Variants in DTWD2 observed in about 807,000 individuals in gnomAD.
DTWD2 encodes tRNA-uridine aminocarboxypropyltransferase 2.
A neutral mutation model predicts 31.8 loss-of-function variants in DTWD2; 39 were observed. The observed-to-expected ratio is 1.22, with a 90% CI of 0.95 to 1.60. The LOEUF is 1.60. DTWD2 is among the 40% of genes most tolerant of loss of function. The pLI is 0.00. For missense variants in DTWD2, 515 were observed against 381.5 expected, an observed-to-expected ratio of 1.35 and a Z score of -2.92; for synonymous variants, 180 against 142.8, an observed-to-expected ratio of 1.26 and a Z score of -1.86.
chr5:118,880,060 T>C (rs1178400116), intron 4 of DTWD2, among the ~76,000 whole-genome samples: 1 of 152,222 alleles, frequency 6.6e-6, no homozygotes, highest in Non-Finnish European at 1.5e-5. Context: ...CACAGAAAGA[T>C]AACTACAAAT....
chr5:118,862,441 C>T (rs985618647), intron 4 of DTWD2, among the ~76,000 whole-genome samples: 2 of 151,708 alleles, frequency 1.3e-5, no homozygotes, highest in South Asian at 2.1e-4. Flanking sequence ...GAAATAGGGC[C>T]GATGTAAATG....
At chr5:118,903,620 C>T (rs1210571546) in intron 4 of DTWD2, among the ~76,000 whole-genome samples, 1 of 151,952 alleles carries the variant, frequency 6.6e-6, no homozygotes, top group Non-Finnish European at 1.5e-5. Context: ...AAATCTCTAG[C>T]TAACATGTTA....
At chr5:118,911,068 T>A (rs952702186) in intron 4 of DTWD2, among the ~76,000 whole-genome samples, 3 of 152,176 alleles carry the variant, frequency 2.0e-5, no homozygotes, top group Non-Finnish European at 4.4e-5. Context: ...CAGCACCATA[T>A]ATCTGATCAT....
intron 3 of DTWD2, among the ~76,000 whole-genome samples, chr5:118,937,899 G>C (rs1209594966): frequency 6.6e-6 from 1 of 152,056 alleles, no homozygotes; most frequent in Non-Finnish European, 1.5e-5. Context: ...TGTCTCTCCT[G>C]ACACAGCCAT....
chr5:118,978,862 T>C (rs1755225663), intron 1 of DTWD2, among the ~76,000 whole-genome samples: 1 of 150,956 alleles, frequency 6.6e-6, no homozygotes, highest in Non-Finnish European at 1.5e-5. Flanking sequence ...AAAAATTAGC[T>C]GGGCATGGTG....
At chr5:118,888,147 T>C (rs1170325281) in intron 4 of DTWD2, among the ~76,000 whole-genome samples, 1 of 152,206 alleles carries the variant, frequency 6.6e-6, no homozygotes, top group African/African-American at 2.4e-5. Flanking sequence ...TTTGATAAGA[T>C]TTGACATATG....
intron 1 of DTWD2, chr5:118,973,719 G>A (rs368917682): frequency 4.1e-5 from 64 of 1,564,242 alleles, no homozygotes; most frequent in Admixed American, 1.5e-4. Flanking sequence ...CGCGGACTCC[G>A]GCAGCTTTAT....
At chr5:118,988,064 G>T in intron 1 of DTWD2, 1 of 714,880 alleles carries the variant, frequency 1.4e-6, no homozygotes. Context: ...CTCATCCCAT[G>T]ATACGCTCAG....
chr5:118,838,438 T>C lies in DTWD2; in HGVS notation c.*2479A>G, dbSNP rs770352031. 1.3e-5 allele frequency: 2 copies of C among 152,134 alleles called. No individual in the cohort carries two copies. Among genetic ancestry groups the C allele is most frequent in the Non-Finnish European group, 2.9e-5 (2 of 68,026 alleles). 9.4% of individuals were successfully genotyped at this position (152,134 alleles called of 1,614,324 possible). A position where few individuals can be genotyped will look rare whatever the true frequency, so the allele number is the denominator to read the frequency against. On this transcript the variant is annotated 3_prime_UTR_variant, in exon 6 of 6. Coordinates refer to ENST00000510708, the MANE Select transcript of DTWD2 (RefSeq NM_173666.4). ...GAATCTGAATTTAAAAGCCAACTAA[T>C]ACAATAAAAAAGTAATTTTTAAAAG...
chr5:118,964,179 C>T (rs1282377797), intron 1 of DTWD2, among the ~76,000 whole-genome samples: 4 of 147,274 alleles, frequency 2.7e-5, no homozygotes, highest in African/African-American at 1.0e-4. Flanking sequence ...GATTGCACCA[C>T]TACACTCCAA....
intron 4 of DTWD2, among the ~76,000 whole-genome samples, chr5:118,896,356 G>A (rs955834596): frequency 6.6e-6 from 1 of 152,050 alleles, no homozygotes; most frequent in African/African-American, 2.4e-5. Context: ...TAGTACATCT[G>A]AGCCTGTAAT....
At chr5:118,929,540 G>A (rs1004483720) in intron 3 of DTWD2, among the ~76,000 whole-genome samples, 1 of 151,848 alleles carries the variant, frequency 6.6e-6, no homozygotes, top group Non-Finnish European at 1.5e-5. Context: ...CATCCCTGGG[G>A]TCTCTCTGAA....
intron 1 of DTWD2, among the ~76,000 whole-genome samples, chr5:118,986,139 A>C (rs1158427003): frequency 6.6e-6 from 1 of 152,138 alleles, no homozygotes; most frequent in Non-Finnish European, 1.5e-5. Context: ...ATGTTATCTC[A>C]AATAATGCTA....
chr5:118,964,553 C>T (rs556564219), intron 1 of DTWD2, among the ~76,000 whole-genome samples: 18 of 151,892 alleles, frequency 1.2e-4, no homozygotes, highest in African/African-American at 4.3e-4. Context: ...GATGCTCCTG[C>T]CTCAGCCTGC....
At chr5:118,867,786 G>C (rs1288683384) in intron 4 of DTWD2, among the ~76,000 whole-genome samples, 1 of 152,022 alleles carries the variant, frequency 6.6e-6, no homozygotes, top group African/African-American at 2.4e-5. Flanking sequence ...CCAATAAATG[G>C]AAAAATACCC....
intron 3 of DTWD2, among the ~76,000 whole-genome samples, chr5:118,935,324 GC>G (rs1176731388): frequency 6.6e-6 from 1 of 152,168 alleles, no homozygotes; most frequent in African/African-American, 2.4e-5. Flanking sequence ...AGTTGTGGAA[GC>G]CCCAACTTGA....
rs1751619907 is a variant in DTWD2, at chr5:118,838,255, T to C, written c.*2662A>G. On this transcript the variant is annotated 3_prime_UTR_variant, in exon 6 of 6. Transcript: ENST00000510708. The stretch of plus-strand genomic sequence containing the variant: ...GCTGATTAAAAGTGAGGTCACTTTA[T>C]GTATGAGGAAATACTATTCTCTGAG... 1 of 152,176 alleles carries C rather than the reference T, an allele frequency of 6.6e-6. No homozygotes were observed. The allele number at this position is 152,176 out of a possible 1,614,324, so 9.4% of individuals were successfully genotyped here. A position where few individuals can be genotyped will look rare whatever the true frequency, so the allele number is the denominator to read the frequency against.
rs397999089 is a variant in DTWD2 at position 118,934,272 on chromosome 5, T to TAAAAAA, written c.404+4918_404+4923dup. Reference sequence around the variant, plus strand: ...CAACATAGTGAGACCTTGTCTCCATTAAAAAAAAAAAAAAAAAAAAAAAAA... The same window carrying TAAAAAA: ...CAACATAGTGAGACCTTGTCTCCATTAAAAAAAAAAAAAAAAAAAAAAAAAAAAAAA... On this transcript the variant is annotated intron_variant, in intron 3 of 5. Coordinates refer to ENST00000510708, the MANE Select transcript of DTWD2 (RefSeq NM_173666.4). Among the ~76,000 whole-genome samples, 30 of 23,554 alleles carry TAAAAAA rather than the reference T, an allele frequency of 1.3e-3. 1 individual carries two copies. Among genetic ancestry groups the TAAAAAA allele is most frequent in the East Asian group, 2.0e-3 (1 of 488 alleles). The allele number at this position is 23,554 out of a possible 152,430, so 15.5% of individuals were successfully genotyped here. A position where few individuals can be genotyped will look rare whatever the true frequency, so the allele number is the denominator to read the frequency against.
rs1175875538 is a variant in DTWD2 at position 118,981,592 on chromosome 5, AC to A, written c.218+6701del. 3.9e-5 allele frequency among the ~76,000 whole-genome samples: 6 copies of A among 152,018 alleles called. No homozygotes were observed. The East Asian group carries it at 9.7e-4, about 24-fold the overall frequency. ...CCCTCTCTCTAAGAGATGGGGTCTTACTCTGTCACCCAGGCAAGAGCACAGT... is the reference window on the plus strand; with the variant it reads ...CCCTCTCTCTAAGAGATGGGGTCTTATCTGTCACCCAGGCAAGAGCACAGT... On this transcript the variant is annotated intron_variant, in intron 1 of 5. Transcript: ENST00000510708.
Sources: gnomAD v4.1 joint callset for allele counts (sites outside exome capture counted in the v4.1 genomes callset) on GRCh38, gnomAD v4.1.1 for gene constraint, MANE v1.5 for transcripts, NCBI Gene and HGNC (gene_info 2026-07-23, HGNC 2026-07-21) for gene names.